The following SCNN1B variants were observed in gnomAD, a reference collection of about 807,000 sequenced individuals.
SCNN1B encodes sodium channel epithelial 1 subunit beta.
A neutral mutation model predicts 65.3 loss-of-function variants in SCNN1B; 46 were observed. The ratio of observed to expected loss-of-function variants is 0.70; its 90% confidence interval spans 0.56 to 0.90. SCNN1B has a LOEUF of 0.90. Among genes scored for constraint, SCNN1B ranks in the 40% least tolerant of loss-of-function variants. The pLI is 0.00. For synonymous variants in SCNN1B, 349 were observed against 330.6 expected (o/e 1.06, Z -0.60); for missense variants, 751 against 830.5 (o/e 0.90, Z 1.18).
In SCNN1B at chr16:23,359,969, G is replaced by A. The variant is rs139962779; in HGVS notation, c.776+4480G>A. On this transcript the variant is annotated intron_variant, in intron 4 of 12. Coordinates refer to ENST00000343070, the MANE Select transcript of SCNN1B (RefSeq NM_000336.3). ...TATAATCCCAGCACTTTGGGAAGCC[G>A]AGGCAGGCAGATCACCTGAGGTCAG... Among the ~76,000 whole-genome samples, 1,213 of 152,172 alleles carry A rather than the reference G, an allele frequency of 8.0e-3. 5 individuals carry two copies. The highest frequency in any genetic ancestry group is 0.014 in the Non-Finnish European group (923 of 68,000).
chr16:23,380,021 T>C lies in SCNN1B; in HGVS notation c.1467-73T>C, dbSNP rs1963005573. ...ACGTGCATGTGTGTGCATGTGTCTATGTGCGTGTGTGTGTGTCTGTCTGTT... is the reference window on the plus strand; with the variant it reads ...ACGTGCATGTGTGTGCATGTGTCTACGTGCGTGTGTGTGTGTCTGTCTGTT... On this transcript the variant is annotated intron_variant, in intron 11 of 12. Coordinates refer to ENST00000343070, the MANE Select transcript of SCNN1B (RefSeq NM_000336.3). This position sits in a 1 kb window ranked among gnomAD's most constrained non-coding sequence, Gnocchi z 5.4. 9.1e-7 allele frequency: 1 copy of C among 1,104,184 alleles called. No homozygotes were observed. Among genetic ancestry groups the C allele is most frequent in the African/African-American group, 1.5e-5 (1 of 65,388 alleles). 68.4% of individuals were successfully genotyped at this position (1,104,184 alleles called of 1,614,324 possible). A position where few individuals can be genotyped will look rare whatever the true frequency, so the allele number is the denominator to read the frequency against.
chr16:23,291,150 C>T (rs1393323372), intron 2 of SCNN1B, among the ~76,000 whole-genome samples: 2 of 151,446 alleles, frequency 1.3e-5, no homozygotes, highest in Non-Finnish European at 2.9e-5. Flanking sequence ...CAACCTCCAC[C>T]TCCCAGGTTC....
Position 23,325,306 on chromosome 16 carries a change from G to A in SCNN1B, c.-9+22869G>A, listed in dbSNP as rs1051465240. Among the ~76,000 whole-genome samples the A allele has an allele frequency of 4.6e-5, 7 of 151,226 alleles. No individual in the cohort carries two copies. In the East Asian group the frequency reaches 5.8e-4, roughly 13 times the overall value. ...TTTGAGTCTGGAGTCTCACTTTGTCGCCCTGGCTGGAGTACGGTGGTGCGA... is the reference window on the plus strand; with the variant it reads ...TTTGAGTCTGGAGTCTCACTTTGTCACCCTGGCTGGAGTACGGTGGTGCGA... On this transcript the variant is annotated intron_variant, in intron 1 of 12. Coordinates refer to ENST00000343070, the MANE Select transcript of SCNN1B (RefSeq NM_000336.3).
At chr16:23,343,577 AAAAGAG>A (rs1488945720) in intron 1 of SCNN1B, among the ~76,000 whole-genome samples, 14 of 134,160 alleles carry the variant, frequency 1.0e-4, no homozygotes, top group Non-Finnish European at 1.8e-4. Context: ...GAAAGAAAGA[AAAAGAG>A]AAAGAAAGAA....
chr16:23,349,103 T>G (rs749076309), intron 2 of SCNN1B, among the ~76,000 whole-genome samples, 193 bp downstream of exon 2: 11 of 152,122 alleles, frequency 7.2e-5, no homozygotes, highest in Non-Finnish European at 1.5e-4. Context: ...CTTTTTTCTT[T>G]TCTTTCTTTC....
chr16:23,280,179 A>T (rs760310623), intron 1 of SCNN1B, among the ~76,000 whole-genome samples: 4 of 151,968 alleles, frequency 2.6e-5, no homozygotes, highest in Non-Finnish European at 5.9e-5. Flanking sequence ...TTTCGCTCTT[A>T]CATGAAGCTT....
intron 2 of SCNN1B, among the ~76,000 whole-genome samples, chr16:23,287,224 C>G (rs902974872): frequency 1.2e-4 from 18 of 151,902 alleles, no homozygotes; most frequent in Non-Finnish European, 1.9e-4. Flanking sequence ...AGGCTGATCT[C>G]AAACTCCTGA....
intron 2 of SCNN1B, among the ~76,000 whole-genome samples, chr16:23,352,400 C>T (rs1052680940): frequency 4.6e-5 from 7 of 152,264 alleles, no homozygotes; most frequent in Non-Finnish European, 8.8e-5. Context: ...GAATTGTAAC[C>T]CCCATGTGTC....
At chr16:23,343,608 A>AAAGAAAGAAAG in intron 1 of SCNN1B, among the ~76,000 whole-genome samples, 1 of 121,056 alleles carries the variant, frequency 8.3e-6, no homozygotes, top group Non-Finnish European at 1.7e-5. Context: ...AGAAAGAAAG[A>AAAGAAAGAAAG]AAGAAAGAAA....
intron 4 of SCNN1B, among the ~76,000 whole-genome samples, chr16:23,365,557 G>GAAAGAAAGAAAGAA (rs56115800): frequency 3.2e-5 from 3 of 92,366 alleles, no homozygotes; most frequent in African/African-American, 1.2e-4. Flanking sequence ...AAGAAGGAAA[G>GAAAGAAAGAAAGAA]AGAAAGAAAG....
chr16:23,317,634 T>C (rs2141991327), intron 1 of SCNN1B, among the ~76,000 whole-genome samples: 1 of 152,252 alleles, frequency 6.6e-6, no homozygotes, highest in African/African-American at 2.4e-5. Flanking sequence ...TCCTTCCTGC[T>C]CCTGTCCCAA....
At chr16:23,310,588 G>A (rs1458548081) in intron 1 of SCNN1B, among the ~76,000 whole-genome samples, 2 of 152,202 alleles carry the variant, frequency 1.3e-5, no homozygotes, top group Non-Finnish European at 2.9e-5. Flanking sequence ...GAGGCAGGAA[G>A]ATGGCTTGTG....
chr16:23,362,343 A>G (rs953115582), intron 4 of SCNN1B, among the ~76,000 whole-genome samples: 5 of 151,030 alleles, frequency 3.3e-5, no homozygotes, highest in African/African-American at 7.4e-5. Flanking sequence ...AAAAAAAAAA[A>G]TAAAGTTAAA....
intron 1 of SCNN1B, among the ~76,000 whole-genome samples, chr16:23,329,174 C>T (rs1323893136): frequency 2.0e-5 from 3 of 148,782 alleles, no homozygotes; most frequent in Non-Finnish European, 4.5e-5. Flanking sequence ...TGCAATGGTG[C>T]AATCATGGCT....
At position 23,345,180 on chromosome 16, in the gene SCNN1B, C is replaced by T. The variant is rs112677052; in HGVS notation, c.-8-3412C>T. Among the ~76,000 whole-genome samples, 1,475 of 152,276 alleles carry T rather than the reference C, an allele frequency of 9.7e-3. 24 individuals are homozygous for T. Among genetic ancestry groups the T allele is most frequent in the African/African-American group, 0.033 (1,383 of 41,556 alleles). ...TCTCTGTTTAGACGTGAAGGTCTGA[C>T]CTTATACATCTGGATATTCTGTGGG... is the stretch of plus-strand genomic sequence containing the variant. On this transcript the variant is annotated intron_variant, in intron 1 of 12. Coordinates refer to ENST00000343070, the MANE Select transcript of SCNN1B (RefSeq NM_000336.3).
intron 1 of SCNN1B, among the ~76,000 whole-genome samples, chr16:23,328,375 G>A (rs1023000308): frequency 6.6e-6 from 1 of 152,200 alleles, no homozygotes; most frequent in Non-Finnish European, 1.5e-5. Flanking sequence ...AAGATATTAA[G>A]TAAATGATAG....
chr16:23,379,433 G>A (rs140819425), intron 11 of SCNN1B, among the ~76,000 whole-genome samples: 1 of 152,134 alleles, frequency 6.6e-6, no homozygotes, highest in Non-Finnish European at 1.5e-5. Context: ...TGAGAGATAA[G>A]GGAGGTCTGC....
rs943881851 is a variant in SCNN1B at position 23,378,833 on chromosome 16, T to A, written c.1466+66T>A. ...GGGTCCAGAAACTCGGGGCAGGAGT[T>A]TGGACACAGGACAGCTCCTCAGACA... On this transcript the variant is annotated intron_variant, in intron 11 of 12. Transcript: ENST00000343070. The A allele has an allele frequency of 8.9e-6, 13 of 1,458,228 alleles. No individual in the cohort carries two copies. In the African/African-American group the frequency reaches 1.8e-4, roughly 20 times the overall value. 90.3% of individuals were successfully genotyped at this position (1,458,228 alleles called of 1,614,324 possible).
chr16:23,363,042 G>T (rs1463782151), intron 4 of SCNN1B, among the ~76,000 whole-genome samples: 1 of 152,108 alleles, frequency 6.6e-6, no homozygotes, highest in African/African-American at 2.4e-5. Flanking sequence ...CTCAGCTCAG[G>T]CCTCCCCTCC....
Sources: gnomAD v4.1 joint callset for allele counts (sites outside exome capture counted in the v4.1 genomes callset) on GRCh38, gnomAD v4.1.1 for gene constraint, Gnocchi (gnomAD v3.1) non-coding constraint, MANE v1.5 for transcripts, NCBI Gene and HGNC (gene_info 2026-07-23, HGNC 2026-07-21) for gene names.